FAT3: variants seen among roughly 807,000 people sequenced by gnomAD.
FAT3 encodes the protein protocadherin Fat 3.
In FAT3, 95 loss-of-function variants were observed where a neutral mutation model predicts 310.2. That is an observed-to-expected ratio of 0.31 (90% CI 0.26 to 0.36). The LOEUF (loss-of-function observed/expected upper bound fraction) is 0.36. Among genes scored for constraint, FAT3 ranks in the 10% least tolerant of loss-of-function variants. The pLI, the probability that FAT3 is intolerant of heterozygous loss-of-function variation, is 1.00. For missense variants in FAT3, 5,408 were observed against 5,715.6 expected (o/e 0.95, Z 1.74); for synonymous variants, 2,314 against 2,192.9 (o/e 1.06, Z -1.54).
intron 2 of FAT3, among the ~76,000 whole-genome samples, chr11:92,462,375 A>G (rs1427923816): frequency 3.3e-5 from 5 of 151,916 alleles, no homozygotes; most frequent in Non-Finnish European, 1.5e-5. Context: ...CTCTGTGTCC[A>G]TGTGTACTCG....
At chr11:92,789,882 AC>A in intron 7 of FAT3, 60 bp from the exon 8 acceptor site, 1 of 1,560,972 alleles carries the variant, frequency 6.4e-7, no homozygotes, top group South Asian at 1.2e-5. Flanking sequence ...GGGAGGGCAT[AC>A]TTTTATTAGC....
chr11:92,585,415 A>C (rs1263858024), intron 3 of FAT3, among the ~76,000 whole-genome samples: 2 of 152,160 alleles, frequency 1.3e-5, no homozygotes, highest in East Asian at 1.9e-4. Flanking sequence ...AAAAGCCAAA[A>C]AGTTTGTCTA....
Position 92,798,180 on chromosome 11 carries a change from A to C in FAT3, c.5167A>C (p.Ile1723Leu), listed in dbSNP as rs1396908121. The C allele has an allele frequency of 6.2e-7, 1 of 1,613,858 alleles. No individual in the cohort carries two copies. The highest frequency in any genetic ancestry group is 8.5e-7 in the Non-Finnish European group (1 of 1,179,866). The change falls in exon 10 of 28, where the codon ATC becomes CTC. Residue 1723 changes from isoleucine to leucine, a missense_variant. Physicochemically the swap from Ile to Leu is conservative, Grantham distance 5. This residue lies in a region of FAT3 where 4,588 missense variants were observed against 4,809.8 expected (regional missense o/e 0.95). Transcript: ENST00000525166. Reference protein sequence around the residue: ...IFTINPYSGVITTQKALDYER... With the variant: ...IFTINPYSGVLTTQKALDYER... ...TACCATAAATCCATATTCTGGAGTCATCACCACTCAGAAGGCCCTGGATTA... is the reference window on the plus strand; with the variant it reads ...TACCATAAATCCATATTCTGGAGTCCTCACCACTCAGAAGGCCCTGGATTA...
At chr11:92,756,435 G>A (rs1019024840) in intron 4 of FAT3, among the ~76,000 whole-genome samples, 1 of 152,142 alleles carries the variant, frequency 6.6e-6, no homozygotes, top group Non-Finnish European at 1.5e-5. Flanking sequence ...GCAGACCACT[G>A]TATAAAACAG....
chr11:92,478,962 CT>C (rs370822219), intron 2 of FAT3, among the ~76,000 whole-genome samples: 8 of 63,308 alleles, frequency 1.3e-4, no homozygotes, highest in Non-Finnish European at 1.6e-4. Flanking sequence ...CTTTTCTTTT[CT>C]TTTCTTTTCT....
chr11:92,845,855 C>A (rs1948671197), intron 19 of FAT3, among the ~76,000 whole-genome samples: 1 of 152,054 alleles, frequency 6.6e-6, no homozygotes, highest in South Asian at 2.1e-4. Flanking sequence ...CACAGGGAGG[C>A]CCTAGGGGTC....
intron 2 of FAT3, among the ~76,000 whole-genome samples, chr11:92,510,724 C>A (rs552589583): frequency 6.6e-6 from 1 of 152,300 alleles, no homozygotes; most frequent in African/African-American, 2.4e-5. Flanking sequence ...TTCATTAACT[C>A]CAAATAAAAG....
chr11:92,857,484 A>G (rs1949010823), intron 20 of FAT3, 136 bp downstream of exon 20: 3 of 1,160,820 alleles, frequency 2.6e-6, no homozygotes, highest in Non-Finnish European at 3.6e-6. Flanking sequence ...AATGGACCAC[A>G]GCTAACATCC....
At chr11:92,813,673 G>A (rs894807801) in intron 13 of FAT3, among the ~76,000 whole-genome samples, 23 of 151,878 alleles carry the variant, frequency 1.5e-4, no homozygotes, top group African/African-American at 5.1e-4. Flanking sequence ...TATATAGTTT[G>A]TAACCTTTTG....
chr11:92,453,840 T>C (rs1194157962), intron 2 of FAT3, among the ~76,000 whole-genome samples: 1 of 152,204 alleles, frequency 6.6e-6, no homozygotes, highest in Non-Finnish European at 1.5e-5. Context: ...ATGTGACTTG[T>C]AGACCTCATG....
chr11:92,734,250 G>T (rs763956373), intron 4 of FAT3, among the ~76,000 whole-genome samples: 1 of 152,200 alleles, frequency 6.6e-6, no homozygotes, highest in Non-Finnish European at 1.5e-5. Context: ...CTGTGGTTCA[G>T]TTTATGTCAC....
intron 3 of FAT3, among the ~76,000 whole-genome samples, chr11:92,688,045 A>AT (rs370884875): frequency 7.3e-5 from 11 of 151,040 alleles, no homozygotes; most frequent in Admixed American, 3.3e-4. Context: ...AAAAAAAAAA[A>AT]TTTTTTTAAC....
chr11:92,626,226 AATT>A (rs1941329096), intron 3 of FAT3, among the ~76,000 whole-genome samples: 1 of 152,182 alleles, frequency 6.6e-6, no homozygotes, highest in African/African-American at 2.4e-5. Context: ...TATTTGTCTA[AATT>A]ATTATTGTTG....
intron 4 of FAT3, among the ~76,000 whole-genome samples, chr11:92,724,091 T>C (rs572278773): frequency 4.6e-5 from 7 of 152,316 alleles, no homozygotes; most frequent in Non-Finnish European, 1.5e-5. Context: ...GGGTGGGTTG[T>C]TGGTGGGTTG....
chr11:92,797,976 G>T lies in FAT3; in HGVS notation c.4963G>T (p.Ala1655Ser), dbSNP rs773738156. The T allele has an allele frequency of 5.0e-6, 8 of 1,613,876 alleles. No homozygotes were observed. In the Admixed American group the frequency reaches 1.3e-4, roughly 27 times the overall value. ...DQGSPPMSATAIVRISVTMSD... is the reference protein window; with the variant it reads ...DQGSPPMSATSIVRISVTMSD... The stretch of plus-strand genomic sequence containing the variant: ...GGGATCCCCGCCAATGTCTGCTACT[G>T]CAATTGTGCGCATTTCCGTCACCAT... The change falls in exon 10 of 28, where the codon GCA becomes TCA. Residue 1655 changes from alanine (A) to serine (S), a missense_variant. By Grantham distance (99) the Ala-to-Ser change is moderately conservative. Transcript: ENST00000525166.
chr11:92,745,354 C>T (rs190698456), intron 4 of FAT3, among the ~76,000 whole-genome samples: 110 of 152,198 alleles, frequency 7.2e-4, no homozygotes, highest in African/African-American at 2.3e-3. Context: ...AGTTTCTTAA[C>T]GGCCCACATG....
At chr11:92,361,419 G>A (rs1948879418) in intron 2 of FAT3, among the ~76,000 whole-genome samples, 2 of 148,048 alleles carry the variant, frequency 1.4e-5, no homozygotes, top group Non-Finnish European at 1.5e-5. Flanking sequence ...ATAGTGTTAA[G>A]AGGTGGGGCT....
chr11:92,460,198 A>G (rs1036589027), intron 2 of FAT3, among the ~76,000 whole-genome samples: 5 of 152,188 alleles, frequency 3.3e-5, no homozygotes, highest in Admixed American at 3.3e-4. Flanking sequence ...GAGAAATTGA[A>G]GCATAAATAT....
intron 1 of FAT3, among the ~76,000 whole-genome samples, chr11:92,309,997 A>G (rs1947256607): frequency 6.6e-6 from 1 of 151,872 alleles, no homozygotes; most frequent in African/African-American, 2.4e-5. Flanking sequence ...AGGAAAAATA[A>G]CCTTGGCAAT....
Sources: gnomAD v4.1 joint callset for allele counts (sites outside exome capture counted in the v4.1 genomes callset) on GRCh38, gnomAD v4.1.1 for gene constraint, gnomAD v4.1.1 regional missense constraint, MANE v1.5 for transcripts, NCBI Gene and HGNC (gene_info 2026-07-23, HGNC 2026-07-21) for gene names.